The following HIBADH variants were observed in gnomAD, a reference collection of about 807,000 sequenced individuals.
HIBADH encodes the protein 3-hydroxyisobutyrate dehydrogenase.
Under a neutral mutation model 36.1 loss-of-function variants are expected in HIBADH, and 25 were observed. The ratio of observed to expected loss-of-function variants is 0.69; its 90% CI spans 0.50 to 0.97. The LOEUF is 0.97. Among genes scored for constraint, HIBADH ranks in the 50% least tolerant of loss-of-function variants. The pLI is 0.00. For synonymous variants in HIBADH, 160 were observed against 149.5 expected, an observed-to-expected ratio of 1.07 and a Z score of -0.51; for missense variants, 421 against 418.0, an observed-to-expected ratio of 1.01 and a Z score of -0.06.
intron 3 of HIBADH, among the ~76,000 whole-genome samples, chr7:27,630,271 C>T (rs191655397): frequency 6.6e-6 from 1 of 152,186 alleles, no homozygotes. Context: ...CAAGTAGCTG[C>T]GACCACAGGT....
chr7:27,640,319 C>A (rs796487334), intron 2 of HIBADH, among the ~76,000 whole-genome samples: 5 of 152,248 alleles, frequency 3.3e-5, no homozygotes, highest in Middle Eastern at 6.8e-3. Context: ...TCACTTGAGC[C>A]CAGGAGTTCA....
chr7:27,549,319 G>A (rs1240923056), intron 4 of HIBADH, among the ~76,000 whole-genome samples: 1 of 152,156 alleles, frequency 6.6e-6, no homozygotes, highest in Non-Finnish European at 1.5e-5. Context: ...ATGTTAATTA[G>A]TTCGGTTTAG....
At chr7:27,650,091 TATC>T (rs956492600) in intron 1 of HIBADH, among the ~76,000 whole-genome samples, 6 of 152,166 alleles carry the variant, frequency 3.9e-5, no homozygotes, top group Non-Finnish European at 5.9e-5. Flanking sequence ...TAAATAATGT[TATC>T]ATTTATAAAA....
At chr7:27,548,196 T>TAAA (rs36140938) in intron 4 of HIBADH, among the ~76,000 whole-genome samples, 95,510 of 143,930 alleles carry the variant, frequency 0.66, 32,123 homozygotes, top group East Asian at 0.94. Flanking sequence ...CTCTCTCTCT[T>TAAA]AAAAAAAAAA....
intron 4 of HIBADH, among the ~76,000 whole-genome samples, chr7:27,567,316 G>C (rs1784559759): frequency 1.3e-5 from 2 of 151,796 alleles, no homozygotes; most frequent in Non-Finnish European, 2.9e-5. Context: ...CTTGCTCTTT[G>C]TTTTGACTAG....
chr7:27,557,118 C>T (rs928573329), intron 4 of HIBADH, among the ~76,000 whole-genome samples: 1 of 145,612 alleles, frequency 6.9e-6, no homozygotes, highest in Non-Finnish European at 1.5e-5. Flanking sequence ...CCAGCCTGAA[C>T]AACAGAGTGA....
chr7:27,603,635 T>C (rs922182713), intron 4 of HIBADH, among the ~76,000 whole-genome samples: 1 of 152,172 alleles, frequency 6.6e-6, no homozygotes, highest in Non-Finnish European at 1.5e-5. Flanking sequence ...TTTTTCTAAA[T>C]TTCAGATATT....
At chr7:27,580,591 T>C (rs1053976847) in intron 4 of HIBADH, among the ~76,000 whole-genome samples, 5 of 152,234 alleles carry the variant, frequency 3.3e-5, no homozygotes, top group African/African-American at 2.4e-5. Flanking sequence ...TCTTCAGAGC[T>C]TGTACTGCAA....
In HIBADH at chr7:27,662,833, G is replaced by C. The variant is rs202178618; in HGVS notation, c.-45C>G. 399 of 1,404,942 alleles carry C rather than the reference G, an allele frequency of 2.8e-4. 6 individuals carry two copies. The African/African-American group carries it at 5.4e-3, about 19-fold the overall frequency. 87.0% of individuals were successfully genotyped at this position (1,404,942 alleles called of 1,614,324 possible). A position where few individuals can be genotyped will look rare whatever the true frequency, so the allele number is the denominator to read the frequency against. Reference sequence around the variant, plus strand: ...CCGCGGTGACCTCCGCCGCCTCCCGGAGGGCCCACAGACTGCGAGCGTGTG... The same window carrying C: ...CCGCGGTGACCTCCGCCGCCTCCCGCAGGGCCCACAGACTGCGAGCGTGTG... On this transcript the variant is annotated 5_prime_UTR_variant, in exon 1 of 8. Coordinates refer to ENST00000265395, the MANE Select transcript of HIBADH (RefSeq NM_152740.4).
chr7:27,541,153 G>C (rs1352738246), intron 5 of HIBADH, among the ~76,000 whole-genome samples: 1 of 139,792 alleles, frequency 7.2e-6, no homozygotes. Context: ...TTTTTTCTCC[G>C]TAATAGGGCA....
chr7:27,662,335 G>C (rs1786439729), intron 1 of HIBADH, among the ~76,000 whole-genome samples: 1 of 152,060 alleles, frequency 6.6e-6, no homozygotes, highest in Non-Finnish European at 1.5e-5. Flanking sequence ...GGTGAGTGCG[G>C]GTTGCTCCTG....
intron 4 of HIBADH, among the ~76,000 whole-genome samples, chr7:27,627,542 A>C (rs2128294085): frequency 6.6e-6 from 1 of 152,314 alleles, no homozygotes; most frequent in South Asian, 2.1e-4. Flanking sequence ...AAGCAATCAA[A>C]CCTAGTGGTC....
At chr7:27,547,250 C>T (rs374798149) in intron 4 of HIBADH, among the ~76,000 whole-genome samples, 2 of 152,300 alleles carry the variant, frequency 1.3e-5, no homozygotes, top group South Asian at 2.1e-4. Flanking sequence ...AATGTTCTTC[C>T]CCCAGATACT....
intron 4 of HIBADH, among the ~76,000 whole-genome samples, chr7:27,601,061 A>G (rs888933250): frequency 2.0e-5 from 3 of 152,178 alleles, no homozygotes; most frequent in African/African-American, 7.2e-5. Flanking sequence ...AAAATGTTAT[A>G]AACATCAGAT....
intron 4 of HIBADH, among the ~76,000 whole-genome samples, chr7:27,618,754 C>T (rs1274117376): frequency 6.6e-6 from 1 of 152,134 alleles, no homozygotes; most frequent in Non-Finnish European, 1.5e-5. Context: ...AGCATCTGCA[C>T]AGCTTTTGGA....
intron 4 of HIBADH, among the ~76,000 whole-genome samples, chr7:27,596,570 G>A (rs1785037243): frequency 6.6e-6 from 1 of 152,148 alleles, no homozygotes; most frequent in Non-Finnish European, 1.5e-5. Flanking sequence ...GCATTTACAT[G>A]AAAATATCTC....
At chr7:27,543,572 A>T (rs1386175495) in intron 4 of HIBADH, among the ~76,000 whole-genome samples, 1 of 151,478 alleles carries the variant, frequency 6.6e-6, no homozygotes, top group Non-Finnish European at 1.5e-5. Flanking sequence ...TACTATCTAT[A>T]AGTGAGATCT....
chr7:27,563,000 C>T (rs1784489797), intron 4 of HIBADH, among the ~76,000 whole-genome samples: 1 of 152,072 alleles, frequency 6.6e-6, no homozygotes, highest in African/African-American at 2.4e-5. Context: ...ATTCAACCAC[C>T]ATCATCAGTG....
intron 6 of HIBADH, among the ~76,000 whole-genome samples, chr7:27,532,574 T>C (rs555931442): frequency 6.6e-6 from 1 of 152,344 alleles, no homozygotes; most frequent in East Asian, 1.9e-4. Context: ...ACAACTGTTA[T>C]GTAATCAGGC....
Sources: gnomAD v4.1 joint callset for allele counts (sites outside exome capture counted in the v4.1 genomes callset) on GRCh38, gnomAD v4.1.1 for gene constraint, MANE v1.5 for transcripts, NCBI Gene and HGNC (gene_info 2026-07-23, HGNC 2026-07-21) for gene names.